The following CORIN variants were observed in gnomAD, a reference collection of about 807,000 sequenced individuals.
CORIN encodes the protein corin, serine peptidase.
CORIN carries 117 observed loss-of-function variants against 125.3 expected under a neutral mutation model. The observed-to-expected ratio is 0.93, with a 90% confidence interval of 0.80 to 1.09. The LOEUF (loss-of-function observed/expected upper bound fraction) is 1.09. Ranked by LOEUF, CORIN falls within the 50% of genes least tolerant of loss-of-function variation. CORIN has a pLI of 0.00. For missense variants in CORIN, 1,253 were observed against 1,306.7 expected (o/e 0.96, Z 0.63); for synonymous variants, 450 against 466.4 (o/e 0.96, Z 0.45).
chr4:47,749,943 A>G (rs574520559), intron 4 of CORIN, among the ~76,000 whole-genome samples: 298 of 152,272 alleles, frequency 2.0e-3, no homozygotes, highest in African/African-American at 6.8e-3. Flanking sequence ...CTCCTTTTGC[A>G]TTATGAGGAA....
At chr4:47,602,857 G>C (rs1272536972) in intron 20 of CORIN, among the ~76,000 whole-genome samples, 1 of 152,106 alleles carries the variant, frequency 6.6e-6, no homozygotes, top group Non-Finnish European at 1.5e-5. Flanking sequence ...GGAAATTACG[G>C]CCAAAAGCTA....
At chr4:47,659,627 C>G (rs1024936505) in intron 12 of CORIN, among the ~76,000 whole-genome samples, 1 of 152,126 alleles carries the variant, frequency 6.6e-6, no homozygotes, top group Non-Finnish European at 1.5e-5. Context: ...GAACGCAGAG[C>G]AAGAGCTCAC....
intron 1 of CORIN, among the ~76,000 whole-genome samples, chr4:47,820,297 T>A (rs1732453155): frequency 1.3e-5 from 2 of 152,102 alleles, no homozygotes; most frequent in Admixed American, 6.5e-5. Context: ...GAAATTTTCT[T>A]GGACGTCAGA....
chr4:47,613,032 A>G (rs1721930318), intron 19 of CORIN, among the ~76,000 whole-genome samples: 1 of 152,252 alleles, frequency 6.6e-6, no homozygotes, highest in Admixed American at 6.5e-5. Flanking sequence ...ATGTCCAGAG[A>G]TTCTTAAAGC....
At position 47,680,048 on chromosome 4, in the gene CORIN, T is replaced by C. The variant is rs890125052; in HGVS notation, c.1132+93A>G. The C allele has an allele frequency of 9.5e-6, 7 of 735,538 alleles. No individual in the cohort carries two copies. In the African/African-American group the frequency reaches 1.2e-4, roughly 13 times the overall value. The allele number at this position is 735,538 out of a possible 1,614,324, so 45.6% of individuals were successfully genotyped here. A position where few individuals can be genotyped will look rare whatever the true frequency, so the allele number is the denominator to read the frequency against. ...TCTTTCCCTTGGAATGCTGTGTATA[T>C]AGTGAGTCTTAAGTACAGTCCTCAA... On this transcript the variant is annotated intron_variant, in intron 8 of 21. Transcript: ENST00000273857.
At position 47,680,264 on chromosome 4, in the gene CORIN, A is replaced by G; in HGVS notation, c.1022-13T>C. On this transcript the variant is annotated splice_polypyrimidine_tract_variant and intron_variant, in intron 7 of 21. Coordinates refer to ENST00000273857, the MANE Select transcript of CORIN (RefSeq NM_006587.4). Reference sequence around the variant, plus strand: ...GTGGGATTGCAATCTGGAGAAATGAAAACTCACGAGGATGCAGAGAACCAG... The same window carrying G: ...GTGGGATTGCAATCTGGAGAAATGAGAACTCACGAGGATGCAGAGAACCAG... 1 of 1,599,684 alleles carries G rather than the reference A, an allele frequency of 6.3e-7. No individual in the cohort carries two copies. Among genetic ancestry groups the G allele is most frequent in the Non-Finnish European group, 8.6e-7 (1 of 1,167,356 alleles).
At chr4:47,759,378 A>G (rs573997243) in intron 4 of CORIN, among the ~76,000 whole-genome samples, 10 of 152,318 alleles carry the variant, frequency 6.6e-5, no homozygotes, top group African/African-American at 2.4e-4. Context: ...GATTTCATCA[A>G]ACTAAAAGCT....
intron 10 of CORIN, among the ~76,000 whole-genome samples, chr4:47,673,553 G>A (rs1394305767): frequency 6.6e-6 from 1 of 152,022 alleles, no homozygotes; most frequent in African/African-American, 2.4e-5. Flanking sequence ...TCAGTCGCTG[G>A]GGATTTTCTG....
rs1370929416 is a variant in CORIN at position 47,761,832 on chromosome 4, C to T, written c.617+1547G>A. ...GCATGGTGACTACAGTTATTGATAA[C>T]ATATTGTATTCTTAGCTGGTCATGG... On this transcript the variant is annotated intron_variant, in intron 4 of 21. Transcript: ENST00000273857. Among the ~76,000 whole-genome samples, 4 of 152,158 alleles carry T rather than the reference C, an allele frequency of 2.6e-5. No individual in the cohort carries two copies. The East Asian group carries it at 7.7e-4, about 29-fold the overall frequency.
intron 4 of CORIN, among the ~76,000 whole-genome samples, chr4:47,751,608 G>T (rs114676069): frequency 0.01 from 1,584 of 152,226 alleles, 12 homozygotes; most frequent in Middle Eastern, 0.031. Context: ...AATTTCAGCA[G>T]TTACCTCCTC....
chr4:47,789,469 T>C (rs1730968457), intron 2 of CORIN, among the ~76,000 whole-genome samples: 1 of 152,182 alleles, frequency 6.6e-6, no homozygotes, highest in African/African-American at 2.4e-5. Context: ...TGAAAGCAAT[T>C]TGGCAGAATA....
At chr4:47,761,544 G>GA (rs374130583) in intron 4 of CORIN, among the ~76,000 whole-genome samples, 3 of 150,828 alleles carry the variant, frequency 2.0e-5, no homozygotes, top group African/African-American at 7.3e-5. Context: ...CCATAAAAAA[G>GA]AAAAAAATCC....
intron 19 of CORIN, among the ~76,000 whole-genome samples, chr4:47,607,105 T>G (rs1364042966): frequency 6.6e-6 from 1 of 152,228 alleles, no homozygotes; most frequent in Non-Finnish European, 1.5e-5. Flanking sequence ...AAAATTAGTG[T>G]CAATAAAACT....
intron 4 of CORIN, among the ~76,000 whole-genome samples, chr4:47,759,580 G>T (rs1342241823): frequency 6.6e-6 from 1 of 152,100 alleles, no homozygotes; most frequent in East Asian, 1.9e-4. Flanking sequence ...CTCAAAAGAA[G>T]ACATATAAAT....
intron 21 of CORIN, among the ~76,000 whole-genome samples, chr4:47,597,238 G>A (rs1238500978): frequency 6.6e-6 from 1 of 151,890 alleles, no homozygotes. Context: ...TGTAATCCCA[G>A]CTACGCTGGA....
intron 5 of CORIN, among the ~76,000 whole-genome samples, chr4:47,715,910 G>A (rs1445914452): frequency 6.6e-6 from 1 of 152,208 alleles, no homozygotes; most frequent in Non-Finnish European, 1.5e-5. Flanking sequence ...TAGTGTTCAA[G>A]CTTCCTCTAG....
intron 13 of CORIN, among the ~76,000 whole-genome samples, 189 bp downstream of exon 13, chr4:47,653,364 T>C (rs1343389500): frequency 6.6e-6 from 1 of 152,164 alleles, no homozygotes; most frequent in Non-Finnish European, 1.5e-5. Context: ...AAGTGCAATT[T>C]AGAGGAAATC....
At chr4:47,709,270 AC>A (rs879569359) in intron 5 of CORIN, among the ~76,000 whole-genome samples, 10 of 133,458 alleles carry the variant, frequency 7.5e-5, no homozygotes, top group Non-Finnish European at 1.1e-4. Flanking sequence ...AATTTGCAGT[AC>A]TTTATTTATT....
At chr4:47,820,538 A>G (rs1395775379) in intron 1 of CORIN, among the ~76,000 whole-genome samples, 1 of 152,206 alleles carries the variant, frequency 6.6e-6, no homozygotes, top group East Asian at 1.9e-4. Context: ...AATTTGCTGT[A>G]CAAATTTACA....
Sources: allele counts gnomAD v4.1 joint callset (sites outside exome capture counted in the v4.1 genomes callset), GRCh38; gene constraint gnomAD v4.1.1; transcripts MANE v1.5; gene names NCBI Gene and HGNC (gene_info 2026-07-23, HGNC 2026-07-21).